Variants in PDE11A observed in about 807,000 individuals in gnomAD.
PDE11A encodes the protein dual 3',5'-cyclic-AMP and -GMP phosphodiesterase 11A.
PDE11A carries 100 observed loss-of-function variants against 100.5 expected under a neutral mutation model. The ratio of observed to expected loss-of-function variants is 1.00; its 90% confidence interval spans 0.85 to 1.18. The LOEUF is 1.18. Among genes scored for constraint, PDE11A ranks in the 50% most tolerant of loss-of-function variants. The pLI is 0.00. For missense variants in PDE11A, 1,141 were observed against 1,152.6 expected, an observed-to-expected ratio of 0.99 and a Z score of 0.15; for synonymous variants, 381 against 420.8, an observed-to-expected ratio of 0.91 and a Z score of 1.16.
chr2:178,021,626 C>T (rs992871921), intron 1 of PDE11A, among the ~76,000 whole-genome samples: 2 of 152,066 alleles, frequency 1.3e-5, no homozygotes, highest in Non-Finnish European at 2.9e-5. Flanking sequence ...ATTTAACTAG[C>T]CAAGTAATCA....
chr2:177,988,533 C>T (rs967153830), intron 2 of PDE11A, among the ~76,000 whole-genome samples: 5 of 152,144 alleles, frequency 3.3e-5, no homozygotes, highest in Admixed American at 1.3e-4. Context: ...TCACAAGGGA[C>T]CCCATGCTTA....
At chr2:177,843,465 C>A (rs1455880614) in intron 5 of PDE11A, among the ~76,000 whole-genome samples, 1 of 152,140 alleles carries the variant, frequency 6.6e-6, no homozygotes, top group African/African-American at 2.4e-5. Context: ...GGAGGAAAAA[C>A]CATTGGAGTT....
intron 5 of PDE11A, among the ~76,000 whole-genome samples, chr2:177,852,452 G>A (rs1244527550): frequency 6.6e-6 from 1 of 152,102 alleles, no homozygotes; most frequent in East Asian, 1.9e-4. Flanking sequence ...TCAATCTGAG[G>A]TTGGGTTCAC....
rs1409403814 is a variant in PDE11A at position 177,631,627 on chromosome 2, G to GTA, written c.2647-2066_2647-2065insTA. On this transcript the variant is annotated intron_variant, in intron 19 of 19. Coordinates refer to ENST00000286063, the MANE Select transcript of PDE11A (RefSeq NM_016953.4). ...TGTGTATATATATACATATATGTGT[G>GTA]TGTATATATATACATATATATGTGT... is the stretch of plus-strand genomic sequence containing the variant. Among the ~76,000 whole-genome samples, 913 of 124,746 alleles carry GTA rather than the reference G, an allele frequency of 7.3e-3. 12 individuals are homozygous for GTA. The highest frequency in any genetic ancestry group is 9.7e-3 in the Non-Finnish European group (604 of 62,380). The allele number at this position is 124,746 out of a possible 152,430, so 81.8% of individuals were successfully genotyped here. A position where few individuals can be genotyped will look rare whatever the true frequency, so the allele number is the denominator to read the frequency against.
At chr2:177,666,475 CTG>C (rs1460085941) in intron 18 of PDE11A, among the ~76,000 whole-genome samples, 6 of 152,206 alleles carry the variant, frequency 3.9e-5, no homozygotes, top group Non-Finnish European at 7.3e-5. Flanking sequence ...AATTGACAAA[CTG>C]TTTTTCAAAA....
intron 9 of PDE11A, among the ~76,000 whole-genome samples, chr2:177,800,165 C>T (rs945834051): frequency 7.6e-6 from 1 of 130,932 alleles, no homozygotes; most frequent in Non-Finnish European, 1.6e-5. Flanking sequence ...TCCTAACAGT[C>T]TAATTAAAAA....
intron 2 of PDE11A, among the ~76,000 whole-genome samples, chr2:177,936,934 AT>A (rs113816941): frequency 0.086 from 13,052 of 151,808 alleles, 527 homozygotes; most frequent in South Asian, 0.099. Flanking sequence ...AAAAAAAAAA[AT>A]TTAAGGGATA....
At chr2:177,837,336 C>T (rs2083420135) in intron 6 of PDE11A, among the ~76,000 whole-genome samples, 2 of 152,184 alleles carry the variant, frequency 1.3e-5, no homozygotes, top group South Asian at 4.1e-4. Flanking sequence ...CAGTAACAAA[C>T]TTTGCTGCAG....
At chr2:177,669,690 A>C in intron 17 of PDE11A, 123 bp from the exon 18 acceptor site, 1 of 712,342 alleles carries the variant, frequency 1.4e-6, no homozygotes, top group East Asian at 2.5e-5. Flanking sequence ...CTTATGAGGA[A>C]GTAAGTATAT....
chr2:177,979,217 G>T (rs2085848409), intron 2 of PDE11A, among the ~76,000 whole-genome samples: 1 of 150,488 alleles, frequency 6.6e-6, no homozygotes, highest in African/African-American at 2.4e-5. Flanking sequence ...GCAATCCCTT[G>T]CTATTCCTGA....
chr2:178,020,924 G>GGGGGGT (rs1491389840), intron 1 of PDE11A, among the ~76,000 whole-genome samples: 37 of 125,790 alleles, frequency 2.9e-4, no homozygotes, highest in Non-Finnish European at 3.0e-4. Context: ...TTTTTGTCTT[G>GGGGGGT]GTGTGTGTGT....
At chr2:177,805,481 G>A (rs2082855983) in intron 9 of PDE11A, among the ~76,000 whole-genome samples, 1 of 152,050 alleles carries the variant, frequency 6.6e-6, no homozygotes, top group African/African-American at 2.4e-5. Context: ...TAAAATAAAA[G>A]AGAAAGCACA....
At chr2:178,024,300 T>C (rs1049760767) in intron 1 of PDE11A, among the ~76,000 whole-genome samples, 1 of 152,126 alleles carries the variant, frequency 6.6e-6, no homozygotes, top group African/African-American at 2.4e-5. Flanking sequence ...TAATCCCAGC[T>C]ACTCGGGAGG....
chr2:177,695,764 C>T (rs2081102465), intron 15 of PDE11A, among the ~76,000 whole-genome samples: 1 of 152,164 alleles, frequency 6.6e-6, no homozygotes, highest in East Asian at 1.9e-4. Context: ...ATTCTATATA[C>T]TGATTTTCTA....
intron 12 of PDE11A, among the ~76,000 whole-genome samples, chr2:177,719,724 T>C (rs138684257): frequency 2.6e-5 from 4 of 152,300 alleles, no homozygotes; most frequent in Non-Finnish European, 5.9e-5. Context: ...ATTTCTGGTA[T>C]TTTAAAATTT....
intron 1 of PDE11A, among the ~76,000 whole-genome samples, chr2:178,034,841 AAC>A (rs879701445): frequency 0.5 from 76,112 of 151,746 alleles, 19,830 homozygotes; most frequent in East Asian, 0.71. Context: ...ACAAAGACAC[AAC>A]ATACCAGAAT....
chr2:177,879,566 G>T (rs1352743573), intron 4 of PDE11A, among the ~76,000 whole-genome samples: 2 of 152,134 alleles, frequency 1.3e-5, no homozygotes, highest in Non-Finnish European at 2.9e-5. Context: ...ATTTGCCCTG[G>T]CTCCTCAAAA....
intron 1 of PDE11A, among the ~76,000 whole-genome samples, chr2:178,034,415 C>A (rs952455426): frequency 3.7e-4 from 57 of 152,128 alleles, no homozygotes; most frequent in African/African-American, 1.3e-3. Flanking sequence ...GATACCTGCA[C>A]AATAATAGTG....
chr2:177,692,092 T>C lies in PDE11A; in HGVS notation c.2345+5240A>G, dbSNP rs1156299375. Among the ~76,000 whole-genome samples, 7 of 152,292 alleles carry C rather than the reference T, an allele frequency of 4.6e-5. No homozygotes were observed. The South Asian group carries it at 1.2e-3, about 27-fold the overall frequency. ...ATTAATTTTGCCACAGTTTCTTTCT[T>C]TTAGGTTGACATTAATAATAGTACC... On this transcript the variant is annotated intron_variant, in intron 15 of 19. Coordinates refer to ENST00000286063, the MANE Select transcript of PDE11A (RefSeq NM_016953.4).
Sources: allele counts gnomAD v4.1 joint callset (sites outside exome capture counted in the v4.1 genomes callset), GRCh38; gene constraint gnomAD v4.1.1; transcripts MANE v1.5; gene names NCBI Gene and HGNC (gene_info 2026-07-23, HGNC 2026-07-21).